Variants in DDX59 observed in about 807,000 individuals in gnomAD.
DDX59 encodes the protein DEAD-box helicase 59.
A neutral mutation model predicts 51.9 loss-of-function variants in DDX59; 30 were observed. The observed-to-expected ratio is 0.58, with a 90% CI of 0.43 to 0.78. DDX59 has a LOEUF of 0.78. DDX59 is among the 30% of genes least tolerant of loss of function. The pLI, the probability that DDX59 is intolerant of heterozygous loss-of-function variation, is 0.00. For missense variants in DDX59, 672 were observed against 730.8 expected (o/e 0.92, Z 0.93); for synonymous variants, 255 against 253.3 (o/e 1.01, Z -0.06).
At chr1:200,652,592 C>G (rs1661735760) in intron 4 of DDX59, among the ~76,000 whole-genome samples, 1 of 151,708 alleles carries the variant, frequency 6.6e-6, no homozygotes, top group Admixed American at 6.6e-5. Flanking sequence ...TCCACCCCCA[C>G]TTTCTAACAT....
At chr1:200,665,278 A>G (rs1240696457) in intron 2 of DDX59, among the ~76,000 whole-genome samples, 1 of 152,104 alleles carries the variant, frequency 6.6e-6, no homozygotes, top group African/African-American at 2.4e-5. Context: ...CAATAAGGAG[A>G]AACACTGTCT....
chr1:200,663,850 G>GA (rs1044022378), intron 3 of DDX59, 69 bp downstream of exon 3: 51 of 1,359,076 alleles, frequency 3.8e-5, no homozygotes, highest in East Asian at 8.1e-5. Context: ...TCTTCAAGGG[G>GA]AAAAAAAACA....
At chr1:200,658,799 A>T (rs1447691454) in intron 4 of DDX59, among the ~76,000 whole-genome samples, 3 of 152,160 alleles carry the variant, frequency 2.0e-5, no homozygotes, top group Non-Finnish European at 4.4e-5. Flanking sequence ...GTACATATTG[A>T]ATTTGTGTTT....
At chr1:200,657,502 C>A (rs975555959) in intron 4 of DDX59, among the ~76,000 whole-genome samples, 1 of 152,070 alleles carries the variant, frequency 6.6e-6, no homozygotes, top group African/African-American at 2.4e-5. Context: ...GTAATCCCAG[C>A]ACCTTGGGAG....
At chr1:200,658,240 T>C (rs936629915) in intron 4 of DDX59, among the ~76,000 whole-genome samples, 3 of 152,268 alleles carry the variant, frequency 2.0e-5, no homozygotes, top group Admixed American at 1.3e-4. Flanking sequence ...CAGGGTGGGC[T>C]GGCACATGGT....
At chr1:200,653,340 C>T (rs1661790758) in intron 4 of DDX59, among the ~76,000 whole-genome samples, 1 of 152,188 alleles carries the variant, frequency 6.6e-6, no homozygotes, top group Admixed American at 6.5e-5. Context: ...CAGAACACAT[C>T]TCAGGAAACA....
At position 200,666,632 on chromosome 1, in the gene DDX59, T is replaced by A; in HGVS notation, c.109A>T (p.Ser37Cys). The A allele has an allele frequency of 1.2e-6, 2 of 1,614,232 alleles. No individual in the cohort carries two copies. The highest frequency in any genetic ancestry group is 1.7e-6 in the Non-Finnish European group (2 of 1,180,048). ...PDPEDLQLDK[S>C]RDVPVDAVAT... The stretch of plus-strand genomic sequence containing the variant: ...ACAGCATCAACGGGAACATCTCTGC[T>A]TTTGTCCAACTGAAGGTCTTCTGGG... Residue 37 changes from serine to cysteine, a missense_variant, in exon 2 of 8, where the codon AGC (serine) becomes TGC (cysteine). Physicochemically the swap from Ser to Cys is moderately radical, Grantham distance 112 (BLOSUM62 -1). Transcript: ENST00000331314.
chr1:200,667,136 G>C (rs941213018), intron 1 of DDX59, among the ~76,000 whole-genome samples: 1 of 151,488 alleles, frequency 6.6e-6, no homozygotes, highest in African/African-American at 2.4e-5. Flanking sequence ...CAGGCGTGGT[G>C]GCTCACACCT....
intron 5 of DDX59, 56 bp from the exon 6 acceptor site, chr1:200,649,282 G>C (rs1661497212): frequency 3.5e-6 from 5 of 1,436,960 alleles, no homozygotes; most frequent in Non-Finnish European, 3.7e-6. Flanking sequence ...TTTACAATGG[G>C]AAGTTTTTCT....
intron 4 of DDX59, among the ~76,000 whole-genome samples, chr1:200,657,542 G>A (rs1304687743): frequency 6.6e-6 from 1 of 152,102 alleles, no homozygotes; most frequent in Non-Finnish European, 1.5e-5. Context: ...AAGGTCAGGA[G>A]ATTGAGACCA....
At chr1:200,654,236 A>C (rs1050158600) in intron 4 of DDX59, among the ~76,000 whole-genome samples, 6 of 152,052 alleles carry the variant, frequency 3.9e-5, no homozygotes, top group Admixed American at 2.0e-4. Context: ...ACACGGTGAA[A>C]TCTCATCTCT....
chr1:200,653,824 T>C (rs1396918995), intron 4 of DDX59, among the ~76,000 whole-genome samples: 1 of 152,164 alleles, frequency 6.6e-6, no homozygotes, highest in Non-Finnish European at 1.5e-5. Context: ...TTCTCATTCA[T>C]ATCTTAGCAT....
At chr1:200,667,090 A>C (rs892150474) in intron 1 of DDX59, among the ~76,000 whole-genome samples, 9 of 150,636 alleles carry the variant, frequency 6.0e-5, no homozygotes, top group Non-Finnish European at 2.9e-5. Flanking sequence ...CCTGGGTGAC[A>C]GTGAGATTCT....
chr1:200,645,203 G>A (rs1266588624), intron 7 of DDX59, among the ~76,000 whole-genome samples: 1 of 152,206 alleles, frequency 6.6e-6, no homozygotes, highest in Non-Finnish European at 1.5e-5. Context: ...TTAAGAGCAA[G>A]AGGACTATTT....
At chr1:200,655,908 G>A (rs184129340) in intron 4 of DDX59, among the ~76,000 whole-genome samples, 74 of 151,522 alleles carry the variant, frequency 4.9e-4, no homozygotes, top group Admixed American at 3.1e-3. Context: ...TTGGCTCACC[G>A]CAACCTCCAC....
At chr1:200,667,892 T>C (rs1025573175) in intron 1 of DDX59, among the ~76,000 whole-genome samples, 10 of 152,144 alleles carry the variant, frequency 6.6e-5, no homozygotes, top group Non-Finnish European at 1.3e-4. Flanking sequence ...ATACATAGTA[T>C]AGCATAATGA....
chr1:200,656,655 A>G (rs569841540), intron 4 of DDX59, among the ~76,000 whole-genome samples: 4 of 152,322 alleles, frequency 2.6e-5, no homozygotes, highest in African/African-American at 9.6e-5. Context: ...GCACTTGATA[A>G]ATGTTTGCTG....
rs578180073 is a variant in DDX59, at chr1:200,663,128, C to T, written c.972+791G>A. On this transcript the variant is annotated intron_variant, in intron 3 of 7. Transcript: ENST00000331314. ...AGCTTCATCCCAGCTGGTACTGCTG[C>T]CCCAGCCCCCTGAGTGCCCTTCCCC... Among the ~76,000 whole-genome samples, 24 of 152,174 alleles carry T rather than the reference C, an allele frequency of 1.6e-4. No individual in the cohort carries two copies. The East Asian group carries it at 4.1e-3, about 26-fold the overall frequency.
chr1:200,651,774 CA>C (rs1661675962), intron 4 of DDX59, among the ~76,000 whole-genome samples: 1 of 151,990 alleles, frequency 6.6e-6, no homozygotes, highest in Admixed American at 6.6e-5. Context: ...TTTGGGAGGC[CA>C]AAGTGGGTGG....
Sources: gnomAD v4.1 joint callset for allele counts (sites outside exome capture counted in the v4.1 genomes callset) on GRCh38, gnomAD v4.1.1 for gene constraint, MANE v1.5 for transcripts, NCBI Gene and HGNC (gene_info 2026-07-23, HGNC 2026-07-21) for gene names.